Variants in PEX5L observed in about 807,000 individuals in gnomAD.
PEX5L encodes the protein peroxisomal biogenesis factor 5 like.
PEX5L carries 30 observed loss-of-function variants against 84.0 expected under a neutral mutation model. The observed-to-expected ratio is 0.36, with a 90% CI of 0.27 to 0.48. The LOEUF (loss-of-function observed/expected upper bound fraction) is 0.48, where lower values mean the gene tolerates loss of function less well. Among genes scored for constraint, PEX5L ranks in the 20% least tolerant of loss-of-function variants. PEX5L has a pLI of 0.99. For missense variants in PEX5L, 533 were observed against 754.6 expected (o/e 0.71, Z 3.44); for synonymous variants, 270 against 283.1 (o/e 0.95, Z 0.46).
chr3:179,840,160 T>TG lies in PEX5L; in HGVS notation c.822+18901_822+18902insC, dbSNP rs1334293489. Among the ~76,000 whole-genome samples, 583 of 134,374 alleles carry TG rather than the reference T, an allele frequency of 4.3e-3. 9 individuals carry two copies. Among genetic ancestry groups the TG allele is most frequent in the Middle Eastern group, 0.016 (4 of 258 alleles). The allele number at this position is 134,374 out of a possible 152,430, so 88.2% of individuals were successfully genotyped here. A position where few individuals can be genotyped will look rare whatever the true frequency, so the allele number is the denominator to read the frequency against. On this transcript the variant is annotated intron_variant, in intron 8 of 14. Transcript: ENST00000467460. ...ATGGAAAACTATCGTCAAGTTGTTT[T>TG]TTGTGTGTGTGTGTGTGTGTGTGTT... is the stretch of plus-strand genomic sequence containing the variant.
intron 2 of PEX5L, chr3:179,902,531 T>C (rs564208104): frequency 3.7e-6 from 1 of 271,068 alleles, no homozygotes; most frequent in South Asian, 3.9e-5. Flanking sequence ...CACAGAAAAG[T>C]AACCTAAGTA....
At chr3:179,903,458 G>C (rs1310923632) in intron 2 of PEX5L, among the ~76,000 whole-genome samples, 1 of 152,066 alleles carries the variant, frequency 6.6e-6, no homozygotes, top group African/African-American at 2.4e-5. Context: ...TCAAACTCCT[G>C]GGCTCAAGCA....
rs566174966 is a variant in PEX5L, at chr3:179,827,881, C to G, written c.823-7905G>C. 7.2e-5 allele frequency among the ~76,000 whole-genome samples: 11 copies of G among 152,298 alleles called. No homozygotes were observed. The East Asian group carries it at 1.2e-3, about 16-fold the overall frequency. ...TGACCAAACTTTAGTCAATCTCCCC[C>G]CAGCCCTTTTCTCAACTAGGCTTCA... On this transcript the variant is annotated intron_variant, in intron 8 of 14. Transcript: ENST00000467460.
In PEX5L at chr3:179,799,736, G is replaced by A. The variant is rs932939623; in HGVS notation, c.*2092C>T. On this transcript the variant is annotated 3_prime_UTR_variant, in exon 15 of 15. Transcript: ENST00000467460. Reference sequence around the variant, plus strand: ...CAGGGAAGGAAAGGATGCTTAATCAGGCATATTCAAGCAGGCCCTGCCATG... The same window carrying A: ...CAGGGAAGGAAAGGATGCTTAATCAAGCATATTCAAGCAGGCCCTGCCATG... The A allele has an allele frequency of 1.3e-5, 2 of 152,280 alleles. No homozygotes were observed. The highest frequency in any genetic ancestry group is 4.8e-5 in the African/African-American group (2 of 41,448). 9.4% of individuals were successfully genotyped at this position (152,280 alleles called of 1,614,324 possible).
chr3:179,871,820 AG>A (rs1437362885), intron 7 of PEX5L, among the ~76,000 whole-genome samples: 1 of 152,148 alleles, frequency 6.6e-6, no homozygotes, highest in Admixed American at 6.5e-5. Flanking sequence ...CTGGCTCAGC[AG>A]GCTGCCTGAT....
chr3:179,865,373 G>A (rs974820351), intron 7 of PEX5L, among the ~76,000 whole-genome samples: 7 of 152,080 alleles, frequency 4.6e-5, no homozygotes, highest in Non-Finnish European at 4.4e-5. Flanking sequence ...GGCAGTTTTC[G>A]AATAGCGATT....
At chr3:179,917,542 A>T (rs1767645129) in intron 2 of PEX5L, among the ~76,000 whole-genome samples, 2 of 152,216 alleles carry the variant, frequency 1.3e-5, no homozygotes, top group South Asian at 2.1e-4. Context: ...GGAGTAATGC[A>T]TTGAGCTATG....
At chr3:180,018,664 G>A (rs949535353) in intron 1 of PEX5L, among the ~76,000 whole-genome samples, 6 of 152,182 alleles carry the variant, frequency 3.9e-5, no homozygotes, top group African/African-American at 9.7e-5. Context: ...ATTCTAATAG[G>A]AGAGTGGGTG....
At chr3:179,913,698 T>C (rs1232417643) in intron 2 of PEX5L, among the ~76,000 whole-genome samples, 1 of 152,190 alleles carries the variant, frequency 6.6e-6, no homozygotes, top group African/African-American at 2.4e-5. Context: ...TTTAATATCA[T>C]AGCGTTTTTT....
chr3:179,864,726 T>A (rs1243479766), intron 7 of PEX5L, among the ~76,000 whole-genome samples: 1 of 152,182 alleles, frequency 6.6e-6, no homozygotes. Context: ...ATGCATATGT[T>A]AATTAGCTCA....
chr3:179,998,854 A>G (rs190461943), intron 1 of PEX5L, among the ~76,000 whole-genome samples: 3 of 152,326 alleles, frequency 2.0e-5, no homozygotes, highest in Admixed American at 6.5e-5. Flanking sequence ...GCCTGCACCA[A>G]TGGCCTCAGG....
chr3:179,822,247 G>A (rs1462442510), intron 8 of PEX5L, among the ~76,000 whole-genome samples: 1 of 152,176 alleles, frequency 6.6e-6, no homozygotes, highest in Non-Finnish European at 1.5e-5. Context: ...AGAGTCCTTG[G>A]AATTTAAAGC....
chr3:179,965,315 C>A (rs918026713), intron 2 of PEX5L, among the ~76,000 whole-genome samples: 4 of 152,194 alleles, frequency 2.6e-5, no homozygotes, highest in Non-Finnish European at 2.9e-5. Flanking sequence ...GGATTCTAGA[C>A]TTGGGACTGA....
intron 2 of PEX5L, among the ~76,000 whole-genome samples, chr3:179,969,069 A>C (rs1784106381): frequency 3.3e-5 from 5 of 152,118 alleles, no homozygotes; most frequent in Admixed American, 2.0e-4. Context: ...TTTGCAAATC[A>C]CATGACTGAT....
At chr3:179,947,302 A>T (rs1777831261) in intron 2 of PEX5L, among the ~76,000 whole-genome samples, 1 of 100,630 alleles carries the variant, frequency 9.9e-6, no homozygotes, top group Non-Finnish European at 2.7e-5. Flanking sequence ...TAATTGAATA[A>T]AAATTATATT....
At chr3:179,992,778 A>G (rs1787495518) in intron 1 of PEX5L, among the ~76,000 whole-genome samples, 2 of 152,208 alleles carry the variant, frequency 1.3e-5, no homozygotes, top group South Asian at 4.1e-4. Flanking sequence ...AGATAAAATC[A>G]TAATACAAGA....
chr3:180,014,581 G>A (rs1789775857), intron 1 of PEX5L, among the ~76,000 whole-genome samples: 1 of 152,148 alleles, frequency 6.6e-6, no homozygotes, highest in South Asian at 2.1e-4. Context: ...TATAAAGCAT[G>A]TCTAAAGTTT....
chr3:179,856,263 T>C (rs540437584), intron 8 of PEX5L, among the ~76,000 whole-genome samples: 8 of 152,368 alleles, frequency 5.3e-5, no homozygotes, highest in African/African-American at 1.9e-4. Context: ...TTACCTATTA[T>C]GCTGTTATCA....
chr3:179,813,337 T>TA (rs892021406), intron 10 of PEX5L, among the ~76,000 whole-genome samples: 13 of 152,154 alleles, frequency 8.5e-5, no homozygotes, highest in Admixed American at 2.0e-4. Context: ...AATATGTCCT[T>TA]AAAAAAATCT....
Sources: allele counts gnomAD v4.1 joint callset (sites outside exome capture counted in the v4.1 genomes callset), GRCh38; gene constraint gnomAD v4.1.1; transcripts MANE v1.5; gene names NCBI Gene and HGNC (gene_info 2026-07-23, HGNC 2026-07-21).